DTL: variants seen among roughly 807,000 people sequenced by gnomAD.
DTL encodes denticleless protein homolog.
DTL carries 46 observed loss-of-function variants against 87.0 expected under a neutral mutation model. The ratio of observed to expected loss-of-function variants is 0.53; its 90% CI spans 0.42 to 0.68. DTL has a LOEUF of 0.68. DTL is among the 30% of genes least tolerant of loss of function. The pLI, the probability that DTL is intolerant of heterozygous loss-of-function variation, is 0.00. For synonymous variants in DTL, 308 were observed against 311.2 expected (o/e 0.99, Z 0.11); for missense variants, 737 against 869.4 (o/e 0.85, Z 1.91).
In DTL at chr1:212,091,007, A is replaced by G. The variant is rs11119846; in HGVS notation, c.1262-9245A>G. Among the ~76,000 whole-genome samples, 721 of 152,344 alleles carry G rather than the reference A, an allele frequency of 4.7e-3. 7 individuals are homozygous for G. The highest frequency in any genetic ancestry group is 0.017 in the African/African-American group (687 of 41,584). The stretch of plus-strand genomic sequence containing the variant: ...CAGTTTATATAAGAATGCTAATGGC[A>G]GCGTTAAATGTGTTGTAGAATACCT... On this transcript the variant is annotated intron_variant, in intron 13 of 14. Transcript: ENST00000366991.
At chr1:212,074,668 T>G (rs1189944606) in intron 11 of DTL, among the ~76,000 whole-genome samples, 1 of 151,568 alleles carries the variant, frequency 6.6e-6, no homozygotes, top group Non-Finnish European at 1.5e-5. Context: ...AAAGGAGGAG[T>G]GGTATTTTAA....
chr1:212,040,511 T>A lies in DTL; in HGVS notation c.53-2482T>A, dbSNP rs114711321. On this transcript the variant is annotated intron_variant, in intron 1 of 14. Coordinates refer to ENST00000366991, the MANE Select transcript of DTL (RefSeq NM_016448.4). ...TATAACGATATTCTGTAATAAAAGT[T>A]ATGTGAAGGTGGCCTCTCGGAATAT... 7.9e-3 allele frequency among the ~76,000 whole-genome samples: 1,208 copies of A among 152,356 alleles called. 8 individuals are homozygous for A. Among genetic ancestry groups the A allele is most frequent in the Non-Finnish European group, 0.014 (985 of 68,038 alleles).
At chr1:212,055,504 C>T (rs114351967) in intron 5 of DTL, among the ~76,000 whole-genome samples, 2,572 of 152,296 alleles carry the variant, frequency 0.017, 31 homozygotes, top group Non-Finnish European at 0.024. Flanking sequence ...GAGCCACACA[C>T]AGCGACCTCA....
At chr1:212,055,115 A>G (rs116834579) in intron 5 of DTL, among the ~76,000 whole-genome samples, 1,565 of 151,618 alleles carry the variant, frequency 0.01, 30 homozygotes, top group African/African-American at 0.035. Flanking sequence ...TAGATCATCT[A>G]AGAGAGAACA....
chr1:212,088,403 A>G (rs137919782), intron 13 of DTL, among the ~76,000 whole-genome samples: 12 of 152,344 alleles, frequency 7.9e-5, no homozygotes, highest in Admixed American at 1.3e-4. Flanking sequence ...GGGCCTAAAG[A>G]TGAGTAAACC....
chr1:212,091,242 C>T (rs1228724409), intron 13 of DTL, among the ~76,000 whole-genome samples: 2 of 152,088 alleles, frequency 1.3e-5, no homozygotes, highest in Non-Finnish European at 2.9e-5. Context: ...TAAATCAAAA[C>T]CACAATGAGA....
At chr1:212,065,587 A>G (rs940656091) in intron 7 of DTL, among the ~76,000 whole-genome samples, 1 of 152,154 alleles carries the variant, frequency 6.6e-6, no homozygotes, top group Non-Finnish European at 1.5e-5. Context: ...CCCCTATAGT[A>G]TAGTGGAATT....
chr1:212,056,394 A>G (rs139744352), intron 5 of DTL, among the ~76,000 whole-genome samples: 1 of 151,946 alleles, frequency 6.6e-6, no homozygotes, highest in East Asian at 1.9e-4. Flanking sequence ...CAATGACTCT[A>G]TGGCCAAAAG....
intron 6 of DTL, among the ~76,000 whole-genome samples, 190 bp downstream of exon 6, chr1:212,063,139 T>TTACAAGTGACTTGTAATACAAA (rs1654385176): frequency 6.6e-6 from 1 of 152,188 alleles, no homozygotes; most frequent in Non-Finnish European, 1.5e-5. Flanking sequence ...AGTGTCACTG[T>TTACAAGTGACTTGTAATACAAA]TACAAGTATT....
Position 212,068,602 on chromosome 1 carries a change from A to G in DTL, c.821A>G (p.Tyr274Cys). The change falls in exon 10 of 15, where the codon TAT becomes TGT. Residue 274 changes from tyrosine (Y) to cysteine (C), a missense_variant. By Grantham distance (194) the Tyr-to-Cys change is radical (BLOSUM62 -2). Coordinates refer to ENST00000366991, the MANE Select transcript of DTL (RefSeq NM_016448.4). ...YPGSSTRKLG[Y>C]SSLILDSTGS... Reference sequence around the variant, plus strand: ...AACTTAAGTTTCCTTTTTCCAGGATATTCAAGTCTGATTTTGGATTCCACT... The same window carrying G: ...AACTTAAGTTTCCTTTTTCCAGGATGTTCAAGTCTGATTTTGGATTCCACT... 1 of 1,607,464 alleles carries G rather than the reference A, an allele frequency of 6.2e-7. No homozygotes were observed. The highest frequency in any genetic ancestry group is 1.7e-5 in the Admixed American group (1 of 59,918).
At chr1:212,053,865 A>G (rs1360262810) in intron 5 of DTL, among the ~76,000 whole-genome samples, 2 of 152,214 alleles carry the variant, frequency 1.3e-5, no homozygotes, top group African/African-American at 2.4e-5. Flanking sequence ...CTGATAAATC[A>G]ATATCTGGAT....
chr1:212,076,841 T>C (rs1195279710), intron 11 of DTL, among the ~76,000 whole-genome samples: 4 of 152,164 alleles, frequency 2.6e-5, no homozygotes, highest in Non-Finnish European at 4.4e-5. Context: ...ATTGTAGGAG[T>C]AGGCAGTAAG....
chr1:212,092,436 A>G (rs1655312098), intron 13 of DTL, among the ~76,000 whole-genome samples: 1 of 152,116 alleles, frequency 6.6e-6, no homozygotes, highest in South Asian at 2.1e-4. Context: ...AGGCTGAGTC[A>G]GGAGAATTGC....
chr1:212,039,441 C>T (rs552453127), intron 1 of DTL, among the ~76,000 whole-genome samples: 19 of 152,022 alleles, frequency 1.2e-4, no homozygotes, highest in African/African-American at 2.2e-4. Context: ...GATTGGGGCA[C>T]GGGAATGCCT....
At chr1:212,102,560 AGTAATT>A (rs1459730766) in intron 14 of DTL, among the ~76,000 whole-genome samples, 2 of 152,220 alleles carry the variant, frequency 1.3e-5, no homozygotes, top group Non-Finnish European at 2.9e-5. Flanking sequence ...CAAAAAGGAT[AGTAATT>A]GTAACTTATT....
chr1:212,086,512 T>C (rs1483842687), intron 13 of DTL, among the ~76,000 whole-genome samples: 2 of 152,154 alleles, frequency 1.3e-5, no homozygotes, highest in Non-Finnish European at 2.9e-5. Context: ...CACTTCAGCC[T>C]CCCAATAGCT....
intron 5 of DTL, among the ~76,000 whole-genome samples, chr1:212,058,334 A>G (rs1668241977): frequency 6.6e-6 from 1 of 152,218 alleles, no homozygotes; most frequent in South Asian, 2.1e-4. Flanking sequence ...CATTTTTAAA[A>G]GTTGAAATAA....
chr1:212,078,478 A>G (rs1027631707), intron 12 of DTL, among the ~76,000 whole-genome samples: 7 of 152,140 alleles, frequency 4.6e-5, no homozygotes, highest in Non-Finnish European at 7.4e-5. Context: ...ATAAGGATAG[A>G]TTTCTGGTTC....
chr1:212,056,221 A>G (rs186652968), intron 5 of DTL, among the ~76,000 whole-genome samples: 1 of 152,292 alleles, frequency 6.6e-6, no homozygotes, highest in African/African-American at 2.4e-5. Flanking sequence ...CATTAACACC[A>G]GTGCCAGCGT....
Sources: allele counts gnomAD v4.1 joint callset (sites outside exome capture counted in the v4.1 genomes callset), GRCh38; gene constraint gnomAD v4.1.1; transcripts MANE v1.5; gene names NCBI Gene and HGNC (gene_info 2026-07-23, HGNC 2026-07-21).